KIAA1217: variants seen among roughly 807,000 people sequenced by gnomAD.
The protein encoded by KIAA1217 is KIAA1217.
In KIAA1217, 88 loss-of-function variants were observed where a neutral mutation model predicts 163.9. That is an observed-to-expected ratio of 0.54 (90% confidence interval 0.45 to 0.64). The LOEUF is 0.64. Ranked by LOEUF, KIAA1217 falls within the 30% of genes least tolerant of loss-of-function variation. KIAA1217 has a pLI of 0.00. For synonymous variants in KIAA1217, 903 were observed against 923.1 expected, an observed-to-expected ratio of 0.98 and a Z score of 0.39; for missense variants, 2,372 against 2,475.0, an observed-to-expected ratio of 0.96 and a Z score of 0.88.
chr10:23,774,450 A>T (rs1834926347), intron 1 of KIAA1217, among the ~76,000 whole-genome samples: 1 of 152,122 alleles, frequency 6.6e-6, no homozygotes, highest in South Asian at 2.1e-4. Flanking sequence ...GAGACCTGAT[A>T]ACTTAGAGTC....
chr10:24,091,976 T>C (rs2061954444), intron 2 of KIAA1217, among the ~76,000 whole-genome samples: 1 of 151,758 alleles, frequency 6.6e-6, no homozygotes, highest in Admixed American at 6.5e-5. Context: ...ACTGCATTTA[T>C]GCCCTCTCAT....
intron 1 of KIAA1217, among the ~76,000 whole-genome samples, chr10:23,949,679 T>C (rs1346348799): frequency 6.6e-6 from 1 of 152,214 alleles, no homozygotes; most frequent in African/African-American, 2.4e-5. Flanking sequence ...AAAAGTCATT[T>C]ATGATCATGA....
upstream of KIAA1217, among the ~76,000 whole-genome samples, chr10:24,208,237 G>A (rs1227869025): frequency 6.6e-6 from 1 of 151,702 alleles, no homozygotes; most frequent in Non-Finnish European, 1.5e-5. Flanking sequence ...TTTAAAAGGA[G>A]AAGTATGTTG....
At chr10:23,874,838 A>G (rs1202417482) in intron 1 of KIAA1217, among the ~76,000 whole-genome samples, 1 of 152,042 alleles carries the variant, frequency 6.6e-6, no homozygotes. Context: ...CTGTGCTGCT[A>G]TAAAGGAATA....
At chr10:24,326,410 T>C (rs2044899698) in intron 2 of KIAA1217, among the ~76,000 whole-genome samples, 1 of 152,096 alleles carries the variant, frequency 6.6e-6, no homozygotes, top group East Asian at 1.9e-4. Context: ...GATGGCAAAA[T>C]ACTTTGGTTT....
chr10:24,193,166 A>T (rs12773185), intron 2 of KIAA1217, among the ~76,000 whole-genome samples: 2,217 of 151,786 alleles, frequency 0.015, 44 homozygotes, highest in Non-Finnish European at 0.016. Context: ...CGATCTTCCC[A>T]CCTCGGCCTC....
rs568957343 is a variant in KIAA1217, at chr10:24,466,700, A to C, written c.847-6528A>C. On this transcript the variant is annotated intron_variant, in intron 5 of 20. Transcript: ENST00000376454. ...AAGTGTGCAACCAAGGATTTAGATGAAGCCAGCAAACAAAGGAATCATGTA... is the reference window on the plus strand; with the variant it reads ...AAGTGTGCAACCAAGGATTTAGATGCAGCCAGCAAACAAAGGAATCATGTA... 3.0e-6 allele frequency: 3 copies of C among 985,430 alleles called. No homozygotes were observed. In the African/African-American group the frequency reaches 5.2e-5, roughly 17 times the overall value. The allele number at this position is 985,430 out of a possible 1,614,324, so 61.0% of individuals were successfully genotyped here.
intron 2 of KIAA1217, among the ~76,000 whole-genome samples, chr10:24,051,938 G>A (rs1264666140): frequency 6.6e-6 from 1 of 152,088 alleles, no homozygotes; most frequent in Admixed American, 6.6e-5. Flanking sequence ...CTTTTGCTGT[G>A]CAGAAGCTTT....
chr10:23,900,558 CA>C (rs1294824453), intron 1 of KIAA1217, among the ~76,000 whole-genome samples: 1 of 152,034 alleles, frequency 6.6e-6, no homozygotes, highest in African/African-American at 2.4e-5. Flanking sequence ...CTTCCTTTCA[CA>C]AAAAGTATAT....
At chr10:24,420,957 C>A (rs2058682642) in intron 3 of KIAA1217, among the ~76,000 whole-genome samples, 1 of 152,188 alleles carries the variant, frequency 6.6e-6, no homozygotes, top group South Asian at 2.1e-4. Context: ...TATTATTATT[C>A]CTCAAAATTG....
At chr10:24,489,305 G>A (rs1371292323) in intron 6 of KIAA1217, among the ~76,000 whole-genome samples, 3 of 152,012 alleles carry the variant, frequency 2.0e-5, no homozygotes, top group African/African-American at 7.2e-5. Context: ...TGGTTAGGAA[G>A]GTTAATGCTT....
At chr10:24,244,711 T>A (rs1045422979) in intron 2 of KIAA1217, among the ~76,000 whole-genome samples, 3 of 151,936 alleles carry the variant, frequency 2.0e-5, no homozygotes, top group African/African-American at 7.3e-5. Context: ...ATTATAGGCA[T>A]GTGCTACCAT....
chr10:24,161,881 G>T (rs1420671642), intron 2 of KIAA1217, among the ~76,000 whole-genome samples: 2 of 152,194 alleles, frequency 1.3e-5, no homozygotes, highest in Non-Finnish European at 2.9e-5. Flanking sequence ...AGGCATAATG[G>T]TTCAAAGTAG....
intron 3 of KIAA1217, among the ~76,000 whole-genome samples, chr10:24,409,722 C>T (rs116871247): frequency 0.047 from 7,147 of 152,108 alleles, 221 homozygotes; most frequent in South Asian, 0.11. Flanking sequence ...ACCCAATTTG[C>T]AGTCTTTTAT....
intron 1 of KIAA1217, among the ~76,000 whole-genome samples, chr10:23,768,469 A>G (rs1035728347): frequency 1.3e-5 from 2 of 152,258 alleles, no homozygotes; most frequent in South Asian, 2.1e-4. Context: ...TGCCAGGTAC[A>G]TATTAAATGC....
chr10:23,972,291 T>C (rs1845346620), intron 1 of KIAA1217, among the ~76,000 whole-genome samples: 1 of 152,262 alleles, frequency 6.6e-6, no homozygotes, highest in South Asian at 2.1e-4. Context: ...TAAATCATTC[T>C]ACTATAAAGA....
At chr10:24,143,913 AAG>A in intron 2 of KIAA1217, among the ~76,000 whole-genome samples, 1 of 152,256 alleles carries the variant, frequency 6.6e-6, no homozygotes, top group African/African-American at 2.4e-5. Flanking sequence ...GTTTTATCAG[AAG>A]AGAGTTATGG....
chr10:24,326,786 T>C (rs1160109885), intron 2 of KIAA1217, among the ~76,000 whole-genome samples: 1 of 152,148 alleles, frequency 6.6e-6, no homozygotes. Flanking sequence ...ATTATATAAA[T>C]TAATACTGAC....
rs1340675990 is a variant in KIAA1217 at position 24,013,517 on chromosome 10, T to C, written c.-171+6143T>C. ...TGATTCAGTATTTGCTAATTCAACATCCATGTCTGTGTTATAGATCATAAT... is the reference window on the plus strand; with the variant it reads ...TGATTCAGTATTTGCTAATTCAACACCCATGTCTGTGTTATAGATCATAAT... On this transcript the variant is annotated intron_variant, in intron 2 of 18. Transcript: ENST00000376462. Among the ~76,000 whole-genome samples, 3 of 152,078 alleles carry C rather than the reference T, an allele frequency of 2.0e-5. No individual in the cohort carries two copies. The East Asian group carries it at 5.8e-4, about 29-fold the overall frequency.
Sources: gnomAD v4.1 joint callset for allele counts (sites outside exome capture counted in the v4.1 genomes callset) on GRCh38, gnomAD v4.1.1 for gene constraint, MANE v1.5 for transcripts, NCBI Gene and HGNC (gene_info 2026-07-23, HGNC 2026-07-21) for gene names.